STARD8: variants seen among roughly 807,000 people sequenced by gnomAD.
STARD8 encodes the protein StAR related lipid transfer domain containing 8, also known as stAR-related lipid transfer protein 8.
A neutral mutation model predicts 69.4 loss-of-function variants in STARD8; 25 were observed. The ratio of observed to expected loss-of-function variants is 0.36; its 90% CI spans 0.26 to 0.50. The LOEUF (loss-of-function observed/expected upper bound fraction) is 0.50, where lower values mean the gene tolerates loss of function less well. Ranked by LOEUF, STARD8 falls within the 20% of genes least tolerant of loss-of-function variation. The pLI, the probability that STARD8 is intolerant of heterozygous loss-of-function variation, is 0.96. For synonymous variants in STARD8, 389 were observed against 374.6 expected (o/e 1.04, Z -0.45); for missense variants, 921 against 932.5 (o/e 0.99, Z 0.16).
At chrX:68,673,028 A>G (rs1399080755) in intron 2 of STARD8, among the ~76,000 whole-genome samples, 1 of 111,604 alleles carries the variant, frequency 9.0e-6, no homozygotes, top group Non-Finnish European at 1.9e-5. Flanking sequence ...GAAAAAGGCC[A>G]AAAGGAGACT....
chrX:68,687,163 C>G (rs1345065893), intron 2 of STARD8, among the ~76,000 whole-genome samples: 1 of 109,921 alleles, frequency 9.1e-6, no homozygotes, highest in Admixed American at 9.8e-5. Context: ...CTACATCCCC[C>G]TATCACTCCA....
chrX:68,665,237 C>A (rs1247219256), intron 1 of STARD8, among the ~76,000 whole-genome samples: 2 of 112,104 alleles, frequency 1.8e-5, no homozygotes, highest in Non-Finnish European at 3.8e-5. Context: ...GACCTGGGGG[C>A]CTTCTCCATT....
At chrX:68,677,114 C>G (rs2079770162) in intron 2 of STARD8, among the ~76,000 whole-genome samples, 1 of 110,767 alleles carries the variant, frequency 9.0e-6, no homozygotes, top group African/African-American at 3.3e-5. Flanking sequence ...GCACTGCACT[C>G]CAGCCTGGGT....
At chrX:68,679,071 C>A (rs1336996967) in intron 2 of STARD8, among the ~76,000 whole-genome samples, 1 of 112,075 alleles carries the variant, frequency 8.9e-6, no homozygotes, top group East Asian at 2.8e-4. Flanking sequence ...TAGTATGTGC[C>A]AGATGCTGTT....
chrX:68,698,654 C>G (rs1265108106), intron 2 of STARD8, among the ~76,000 whole-genome samples: 9 of 111,437 alleles, frequency 8.1e-5, no homozygotes, highest in African/African-American at 2.3e-4. Context: ...AGCTCCAGAC[C>G]ATATGCAGTT....
intron 8 of STARD8, among the ~76,000 whole-genome samples, 196 bp from the exon 9 acceptor site, chrX:68,720,728 C>G (rs1185423419): frequency 8.9e-6 from 1 of 112,269 alleles, no homozygotes; most frequent in Non-Finnish European, 1.9e-5. Context: ...CATCTTTTTT[C>G]TTTTGTCCTG....
intron 2 of STARD8, among the ~76,000 whole-genome samples, chrX:68,676,807 TTTTA>T (rs1371837663): frequency 9.0e-6 from 1 of 110,741 alleles, no homozygotes; most frequent in African/African-American, 3.4e-5. Flanking sequence ...TGTTTGTTTG[TTTTA>T]TTTGTTTTTC....
intron 1 of STARD8, among the ~76,000 whole-genome samples, chrX:68,657,524 A>G (rs1413933187): frequency 8.9e-6 from 1 of 112,122 alleles, no homozygotes; most frequent in Non-Finnish European, 1.9e-5. Flanking sequence ...ATTGGTGGGC[A>G]CGATTGATTT....
chrX:68,719,205 C>T lies in STARD8; in HGVS notation c.1716-20C>T, dbSNP rs1469312930. On this transcript the variant is annotated intron_variant, in intron 6 of 14. Coordinates refer to ENST00000374599, the MANE Select transcript of STARD8 (RefSeq NM_001142503.3). ...CCTGCTCCTCTGGGCTTCTCCACCC[C>T]TCTCACCGCCCCCCACCAGGAAGCT... The T allele has an allele frequency of 8.6e-7, 1 of 1,166,758 alleles. No homozygotes were observed. Among genetic ancestry groups the T allele is most frequent in the South Asian group, 2.0e-5 (1 of 49,345 alleles).
At chrX:68,719,202 C>T (rs369411762) in intron 6 of STARD8, 23 bp from the exon 7 acceptor site, 515 of 1,160,596 alleles carry the variant, frequency 4.4e-4, no homozygotes, top group Non-Finnish European at 5.8e-4. Context: ...GGCTTCTCCA[C>T]CCCTCTCACC....
chrX:68,652,716 T>C (rs1325651979), intron 1 of STARD8, among the ~76,000 whole-genome samples: 3 of 39,366 alleles, frequency 7.6e-5, no homozygotes, highest in Non-Finnish European at 1.5e-4. Context: ...CACAAACACA[T>C]CACACCATAC....
At chrX:68,666,578 C>T (rs1485104907) in intron 2 of STARD8, among the ~76,000 whole-genome samples, 5 of 112,206 alleles carry the variant, frequency 4.5e-5, no homozygotes. Context: ...TAGTGACTTC[C>T]CAAGGACGTT....
chrX:68,677,642 C>T (rs2079774122), intron 2 of STARD8, among the ~76,000 whole-genome samples: 1 of 111,562 alleles, frequency 9.0e-6, no homozygotes, highest in Admixed American at 9.5e-5. Flanking sequence ...CTGAGAGGAC[C>T]ATTTTTCTAA....
chrX:68,668,089 C>CT (rs1223045484), intron 2 of STARD8, among the ~76,000 whole-genome samples: 3 of 95,397 alleles, frequency 3.1e-5, no homozygotes, highest in African/African-American at 1.2e-4. Flanking sequence ...TTCTTTCTTT[C>CT]TTTCTTTCTT....
At chrX:68,687,462 T>G (rs748369613) in intron 2 of STARD8, among the ~76,000 whole-genome samples, 43 of 112,023 alleles carry the variant, frequency 3.8e-4, no homozygotes, top group Non-Finnish European at 7.9e-4. Flanking sequence ...GTCTCCAAAG[T>G]AGCTGGGATT....
intron 2 of STARD8, among the ~76,000 whole-genome samples, chrX:68,682,241 C>A (rs1056467435): frequency 8.9e-6 from 1 of 111,752 alleles, no homozygotes; most frequent in Admixed American, 9.4e-5. Flanking sequence ...TCAAGTGATC[C>A]GCCCACCTTG....
rs1264389653 is a variant in STARD8 at position 68,721,701 on chromosome X, C to T, written c.2414C>T (p.Ser805Phe). 1.7e-6 allele frequency: 2 copies of T among 1,210,793 alleles called. No individual in the cohort carries two copies. The highest frequency in any genetic ancestry group is 2.2e-6 in the Non-Finnish European group (2 of 895,368). Reference sequence around the variant, plus strand: ...AACCTGGCAGTGTGCCTGGCGCCCTCCATCTTCCACCTCAATGTCTCTAAG... The same window carrying T: ...AACCTGGCAGTGTGCCTGGCGCCCTTCATCTTCCACCTCAATGTCTCTAAG... ...AGNLAVCLAP[S>F]IFHLNVSKKD... The change falls in exon 10 of 15, where the codon TCC becomes TTC. Residue 805 changes from serine to phenylalanine, a missense_variant. Coordinates refer to ENST00000374599, the MANE Select transcript of STARD8 (RefSeq NM_001142503.3).
At position 68,720,909 on chromosome X, in the gene STARD8, C is replaced by T; in HGVS notation, c.2050-15C>T. Reference sequence around the variant, plus strand: ...GCATGTTTTCCTCACTCCCTCCCTCCCCTGCATGGAGTAGGTAGGCATCTT... The same window carrying T: ...GCATGTTTTCCTCACTCCCTCCCTCTCCTGCATGGAGTAGGTAGGCATCTT... On this transcript the variant is annotated splice_polypyrimidine_tract_variant and intron_variant, in intron 8 of 14. Coordinates refer to ENST00000374599, the MANE Select transcript of STARD8 (RefSeq NM_001142503.3). The T allele has an allele frequency of 8.3e-7, 1 of 1,205,460 alleles. No homozygotes were observed. The highest frequency in any genetic ancestry group is 1.8e-5 in the South Asian group (1 of 56,270).
Position 68,647,796 on chromosome X carries a change from C to G in STARD8, c.-87C>G, listed in dbSNP as rs1261803503. 2 of 1,111,761 alleles carry G rather than the reference C, an allele frequency of 1.8e-6. No homozygotes were observed. The highest frequency in any genetic ancestry group is 3.4e-5 in the East Asian group (1 of 29,793). The allele number at this position is 1,111,761 out of a possible 1,213,427, so 91.6% of individuals were successfully genotyped here. ...GACCGGGCTGGCTCTCGCCGAGCCC[C>G]GGGCCTCTTTTAGCCTCGTCCCCAG... On this transcript the variant is annotated 5_prime_UTR_variant, in exon 1 of 15. Transcript: ENST00000374599.
Sources: gnomAD v4.1 joint callset for allele counts (sites outside exome capture counted in the v4.1 genomes callset) on GRCh38, gnomAD v4.1.1 for gene constraint, MANE v1.5 for transcripts, NCBI Gene and HGNC (gene_info 2026-07-23, HGNC 2026-07-21) for gene names.